COLQ: variants seen among roughly 807,000 people sequenced by gnomAD.
COLQ encodes the protein collagen like tail subunit of asymmetric acetylcholinesterase.
In COLQ, 48 loss-of-function variants were observed where a neutral mutation model predicts 69.0. That is an observed-to-expected ratio of 0.70 (90% CI 0.55 to 0.88). COLQ has a LOEUF of 0.88. COLQ is among the 40% of genes least tolerant of loss of function. The pLI, the probability that COLQ is intolerant of heterozygous loss-of-function variation, is 0.00. For synonymous variants in COLQ, 217 were observed against 211.2 expected (o/e 1.03, Z -0.24); for missense variants, 618 against 594.6 (o/e 1.04, Z -0.41).
At chr3:15,480,179 T>C (rs1348023584) in intron 3 of COLQ, among the ~76,000 whole-genome samples, 3 of 152,200 alleles carry the variant, frequency 2.0e-5, no homozygotes, top group Admixed American at 6.5e-5. Context: ...GTTTGAAATA[T>C]GATTTCTTTT....
At chr3:15,468,059 C>T in intron 11 of COLQ, 1 of 434,532 alleles carries the variant, frequency 2.3e-6, no homozygotes. Flanking sequence ...AATATAGCCA[C>T]AGTTCAGTCT....
At chr3:15,483,384 A>G (rs2062524132) in intron 3 of COLQ, among the ~76,000 whole-genome samples, 1 of 152,144 alleles carries the variant, frequency 6.6e-6, no homozygotes, top group Non-Finnish European at 1.5e-5. Flanking sequence ...ACTGCTTTAA[A>G]TGTGTCCCAG....
In COLQ at chr3:15,450,541, G is replaced by A. The variant is rs969849153; in HGVS notation, c.*1103C>T. The A allele has an allele frequency of 2.0e-5, 3 of 153,836 alleles. No individual in the cohort carries two copies. The East Asian group carries it at 5.8e-4, about 30-fold the overall frequency. The allele number at this position is 153,836 out of a possible 1,614,324, so 9.5% of individuals were successfully genotyped here. A position where few individuals can be genotyped will look rare whatever the true frequency, so the allele number is the denominator to read the frequency against. Reference sequence around the variant, plus strand: ...CTACTCAGGAAAAATGGTGATGAAAGGCAGCTCACAGACATGCACGACTAA... The same window carrying A: ...CTACTCAGGAAAAATGGTGATGAAAAGCAGCTCACAGACATGCACGACTAA... On this transcript the variant is annotated 3_prime_UTR_variant, in exon 17 of 17. Coordinates refer to ENST00000383788, the MANE Select transcript of COLQ (RefSeq NM_005677.4).
intron 10 of COLQ, 76 bp from the exon 11 acceptor site, chr3:15,470,692 C>G: frequency 9.6e-6 from 13 of 1,350,796 alleles, no homozygotes; most frequent in Non-Finnish European, 1.4e-5. Context: ...TCTAGCCAGT[C>G]ATTGGCTACG....
At position 15,473,991 on chromosome 3, in the gene COLQ, G is replaced by T. The variant is rs550652028; in HGVS notation, c.636+9C>A. ...TGAGGCCTATTTTCACTACCTCAAGGTTACTTACTTTCTGCCCCAACATTC... is the reference window on the plus strand; with the variant it reads ...TGAGGCCTATTTTCACTACCTCAAGTTTACTTACTTTCTGCCCCAACATTC... On this transcript the variant is annotated intron_variant, in intron 10 of 16. Transcript: ENST00000383788. The surrounding 1 kb of genome is among the most constrained non-coding windows in gnomAD (Gnocchi z 4.0). 14 of 1,614,104 alleles carry T rather than the reference G, an allele frequency of 8.7e-6. No homozygotes were observed. Among genetic ancestry groups the T allele is most frequent in the Admixed American group, 3.3e-5 (2 of 60,016 alleles).
intron 15 of COLQ, among the ~76,000 whole-genome samples, chr3:15,455,685 G>A (rs1028257407): frequency 5.9e-5 from 9 of 152,316 alleles, no homozygotes; most frequent in Non-Finnish European, 1.2e-4. Flanking sequence ...CTTGACATCC[G>A]CCCCTGGTGA....
intron 11 of COLQ, chr3:15,467,638 A>G: frequency 2.9e-6 from 1 of 343,668 alleles, no homozygotes; most frequent in South Asian, 2.2e-5. Flanking sequence ...GGTGCATGCT[A>G]TTGACTCTTC....
intron 3 of COLQ, among the ~76,000 whole-genome samples, chr3:15,485,016 C>T (rs1308171654): frequency 6.6e-6 from 1 of 152,230 alleles, no homozygotes; most frequent in African/African-American, 2.4e-5. Context: ...TGGTTTCTCT[C>T]CATCTTTGTG....
chr3:15,511,225 C>T (rs2062980436), intron 1 of COLQ, among the ~76,000 whole-genome samples: 1 of 152,318 alleles, frequency 6.6e-6, no homozygotes, highest in East Asian at 1.9e-4. Context: ...CCTAATTTTA[C>T]CTGAACTCCT....
intron 1 of COLQ, among the ~76,000 whole-genome samples, chr3:15,513,717 C>T (rs2063018596): frequency 1.3e-5 from 2 of 152,220 alleles, no homozygotes; most frequent in South Asian, 4.1e-4. Flanking sequence ...GAAGACAGTA[C>T]ACACCACGGT....
In COLQ at chr3:15,521,526, A is replaced by T; in HGVS notation, c.100T>A (p.Ser34Thr). 3 of 1,614,146 alleles carry T rather than the reference A, an allele frequency of 1.9e-6. No individual in the cohort carries two copies. The highest frequency in any genetic ancestry group is 2.5e-6 in the Non-Finnish European group (3 of 1,180,016). Residue 34 changes from serine (S) to threonine (T), a missense_variant, in exon 1 of 17, where the codon TCA (serine) becomes ACA (threonine). Transcript: ENST00000383788. ...PTFINSVLPI[S>T]AALPSLDQKK... is the part of the protein sequence containing the mutation. ...AGTTGTGGCCATCATTTACCTGCTG[A>T]GATTGGAAGAACGCTGTTGATGAAA...
intron 16 of COLQ, among the ~76,000 whole-genome samples, 165 bp from the exon 17 acceptor site, chr3:15,451,878 T>C (rs930453658): frequency 5.9e-5 from 9 of 152,132 alleles, no homozygotes; most frequent in African/African-American, 1.2e-4. Flanking sequence ...TCTCTGGGAT[T>C]TTTGCCTTGA....
Position 15,479,087 on chromosome 3 carries a change from G to C in COLQ, c.367-84C>G, listed in dbSNP as rs1273399211. ...GAAGCCTTAGTAGAGCTGATGACTGGGCATGGCCATGTGGCTCAGTTGCTT... is the reference window on the plus strand; with the variant it reads ...GAAGCCTTAGTAGAGCTGATGACTGCGCATGGCCATGTGGCTCAGTTGCTT... On this transcript the variant is annotated intron_variant, in intron 4 of 16. Coordinates refer to ENST00000383788, the MANE Select transcript of COLQ (RefSeq NM_005677.4). The C allele has an allele frequency of 3.2e-6, 5 of 1,549,684 alleles. No individual in the cohort carries two copies. The African/African-American group carries it at 6.8e-5, about 21-fold the overall frequency.
intron 1 of COLQ, among the ~76,000 whole-genome samples, chr3:15,505,654 G>T (rs1020472958): frequency 3.9e-5 from 6 of 152,340 alleles, no homozygotes; most frequent in Admixed American, 1.3e-4. Flanking sequence ...TAAATCAGCC[G>T]GTGCTATTAA....
Position 15,463,107 on chromosome 3 carries a change from C to T in COLQ, c.814+3234G>A, listed in dbSNP as rs73146121. Among the ~76,000 whole-genome samples the T allele has an allele frequency of 5.1e-3, 775 of 152,200 alleles. 9 individuals are homozygous for T. The highest frequency in any genetic ancestry group is 0.016 in the African/African-American group (644 of 41,512). On this transcript the variant is annotated intron_variant, in intron 12 of 16. Coordinates refer to ENST00000383788, the MANE Select transcript of COLQ (RefSeq NM_005677.4). The stretch of plus-strand genomic sequence containing the variant: ...ACAAGACAAGAGAAACAGCAGGCAC[C>T]AAGAAGCTGCTGACAGCTCCAGCCT...
chr3:15,478,188 G>C (rs1354273161), intron 5 of COLQ, among the ~76,000 whole-genome samples: 1 of 151,974 alleles, frequency 6.6e-6, no homozygotes, highest in Non-Finnish European at 1.5e-5. Context: ...CATTGCCATG[G>C]AGACCACCCC....
chr3:15,461,950 T>C (rs1177148707), intron 12 of COLQ, among the ~76,000 whole-genome samples: 2 of 152,048 alleles, frequency 1.3e-5, no homozygotes, highest in African/African-American at 4.8e-5. Context: ...TTGGGGGGCC[T>C]AGTCCAACTC....
chr3:15,477,107 G>C lies in COLQ; in HGVS notation c.465+19C>G. 1 of 1,592,802 alleles carries C rather than the reference G, an allele frequency of 6.3e-7. No homozygotes were observed. Reference sequence around the variant, plus strand: ...CTTGTTTTGACACCGCATGAGCCCTGAGAGCATGCCACACTTACCCTGGGT... The same window carrying C: ...CTTGTTTTGACACCGCATGAGCCCTCAGAGCATGCCACACTTACCCTGGGT... On this transcript the variant is annotated intron_variant, in intron 6 of 16. Transcript: ENST00000383788.
chr3:15,503,452 C>T (rs975202398), intron 1 of COLQ, among the ~76,000 whole-genome samples: 3 of 152,134 alleles, frequency 2.0e-5, no homozygotes, highest in African/African-American at 7.2e-5. Flanking sequence ...AGGGCCTGCA[C>T]CCCTGAATGC....
Sources: gnomAD v4.1 joint callset for allele counts (sites outside exome capture counted in the v4.1 genomes callset) on GRCh38, gnomAD v4.1.1 for gene constraint, Gnocchi (gnomAD v3.1) non-coding constraint, MANE v1.5 for transcripts, NCBI Gene and HGNC (gene_info 2026-07-23, HGNC 2026-07-21) for gene names.